PRXL2C: variants seen among roughly 807,000 people sequenced by gnomAD.
PRXL2C encodes the protein peroxiredoxin like 2C.
In PRXL2C, 38 loss-of-function variants were observed where a neutral mutation model predicts 24.9. The observed-to-expected ratio is 1.53, with a 90% CI of 1.18 to 2.00. The LOEUF (loss-of-function observed/expected upper bound fraction) is 2.00. Among genes scored for constraint, PRXL2C ranks in the 30% most tolerant of loss-of-function variants. The probability of loss-of-function intolerance (pLI) is 0.00; values close to 1 mark genes in which losing one functional copy is unlikely to be tolerated. For missense variants in PRXL2C, 294 were observed against 290.9 expected, an observed-to-expected ratio of 1.01 and a Z score of -0.08; for synonymous variants, 98 against 117.2, an observed-to-expected ratio of 0.84 and a Z score of 1.06.
chr9:96,645,092 GT>G (rs1564408240), intron 5 of PRXL2C, among the ~76,000 whole-genome samples: 1 of 151,040 alleles, frequency 6.6e-6, no homozygotes, highest in African/African-American at 2.4e-5. Flanking sequence ...TGTATTTTTA[GT>G]AGAGACGGGG....
At chr9:96,652,025 A>C (rs577254743) in intron 2 of PRXL2C, among the ~76,000 whole-genome samples, 1 of 152,294 alleles carries the variant, frequency 6.6e-6, no homozygotes, top group South Asian at 2.1e-4. Flanking sequence ...GACCTCAAAA[A>C]TACAGGCAAC....
chr9:96,643,714 A>G (rs1848150975), intron 5 of PRXL2C, among the ~76,000 whole-genome samples: 1 of 152,222 alleles, frequency 6.6e-6, no homozygotes, highest in Non-Finnish European at 1.5e-5. Flanking sequence ...CTCATTCATC[A>G]GGGCTTCTTT....
At chr9:96,654,652 G>A (rs1848323473) in intron 2 of PRXL2C, 53 bp downstream of exon 2, 2 of 1,516,762 alleles carry the variant, frequency 1.3e-6, no homozygotes, top group Non-Finnish European at 1.8e-6. Flanking sequence ...CCCCCGCCCC[G>A]CTCGCAAGGT....
intron 5 of PRXL2C, among the ~76,000 whole-genome samples, chr9:96,644,969 C>G (rs1351291255): frequency 8.1e-6 from 1 of 123,696 alleles, no homozygotes; most frequent in Non-Finnish European, 1.6e-5. Flanking sequence ...TTCAGTGGTG[C>G]GATCTCGGCG....
At chr9:96,653,240 GAAGAA>G (rs1848299446) in intron 2 of PRXL2C, among the ~76,000 whole-genome samples, 1 of 149,146 alleles carries the variant, frequency 6.7e-6, no homozygotes, top group Non-Finnish European at 1.5e-5. Context: ...AAAAAAAAAA[GAAGAA>G]AAGAAAATAC....
In PRXL2C at chr9:96,651,428, C is replaced by T. The variant is rs1848263656; in HGVS notation, c.383G>A (p.Arg128Lys). The T allele has an allele frequency of 6.2e-7, 1 of 1,613,226 alleles. No homozygotes were observed. The highest frequency in any genetic ancestry group is 1.1e-5 in the South Asian group (1 of 90,810). Residue 128 changes from arginine (R) to lysine (K), a missense_variant, in exon 4 of 6, where the codon AGA (arginine) becomes AAA (lysine). Transcript: ENST00000375234. ...YVDPEREIYK[R>K]LGMKRGEEIA... Reference sequence around the variant, plus strand: ...TTCTTCACCTCTTTTCATTCCCAATCTTTTATAAATTTCTCTCTCAGGATC... The same window carrying T: ...TTCTTCACCTCTTTTCATTCCCAATTTTTTATAAATTTCTCTCTCAGGATC...
At chr9:96,650,115 T>C (rs1848249071) in intron 4 of PRXL2C, among the ~76,000 whole-genome samples, 1 of 152,100 alleles carries the variant, frequency 6.6e-6, no homozygotes, top group African/African-American at 2.4e-5. Context: ...CCCACTTAAA[T>C]TGCTGACAAA....
chr9:96,649,951 T>A (rs1427716924), intron 4 of PRXL2C, among the ~76,000 whole-genome samples: 2 of 152,188 alleles, frequency 1.3e-5, no homozygotes, highest in African/African-American at 4.8e-5. Context: ...GGACCTGTAT[T>A]TTTCTGAAGG....
At chr9:96,655,014 G>A (rs1848333180) in intron 1 of PRXL2C, 76 bp downstream of exon 1, 4 of 1,395,490 alleles carry the variant, frequency 2.9e-6, no homozygotes, top group South Asian at 1.5e-5. Context: ...TAAGAAGCAG[G>A]AGGCGCGGCT....
intron 4 of PRXL2C, among the ~76,000 whole-genome samples, chr9:96,647,534 T>C (rs1848212806): frequency 6.6e-6 from 1 of 152,186 alleles, no homozygotes; most frequent in South Asian, 2.1e-4. Flanking sequence ...TTTACTTTGT[T>C]TTTTAAGAGA....
Position 96,651,415 on chromosome 9 carries a change from T to C in PRXL2C, c.396A>G (p.Lys132=). The C allele has an allele frequency of 6.2e-7, 1 of 1,612,648 alleles. No individual in the cohort carries two copies. Reference sequence around the variant, plus strand: ...CTGAGGAAGCAATTTCTTCACCTCTTTTCATTCCCAATCTTTTATAAATTT... The same window carrying C: ...CTGAGGAAGCAATTTCTTCACCTCTCTTCATTCCCAATCTTTTATAAATTT... ...EREIYKRLGM[K]RGEEIASSGQ... The change falls in exon 4 of 6, where the codon AAA becomes AAG. Residue 132 remains lysine (K), a synonymous_variant. Coordinates refer to ENST00000375234, the MANE Select transcript of PRXL2C (RefSeq NM_153698.2).
chr9:96,655,063 T>C, intron 1 of PRXL2C, 27 bp downstream of exon 1: 1 of 1,458,778 alleles, frequency 6.9e-7, no homozygotes, highest in East Asian at 3.1e-5. Flanking sequence ...GGGCCGCGCT[T>C]CCCTTCCAGC....
At chr9:96,650,355 T>G (rs1588102801) in intron 4 of PRXL2C, among the ~76,000 whole-genome samples, 1 of 152,300 alleles carries the variant, frequency 6.6e-6, no homozygotes, top group African/African-American at 2.4e-5. Context: ...TATCTGGCAT[T>G]TCACAAACAC....
In PRXL2C at chr9:96,641,611, C is replaced by G. The variant is rs2119167964; in HGVS notation, c.*148G>C. ...AACTGATGCTTCCCAGCATGCAATT[C>G]AACAGGTTCAAGCCCCCTTTATGCT... On this transcript the variant is annotated 3_prime_UTR_variant, in exon 6 of 6. Transcript: ENST00000375234. 3 of 640,546 alleles carry G rather than the reference C, an allele frequency of 4.7e-6. No individual in the cohort carries two copies. The East Asian group carries it at 9.8e-5, about 21-fold the overall frequency. The allele number at this position is 640,546 out of a possible 1,614,324, so 39.7% of individuals were successfully genotyped here.
At chr9:96,643,830 C>T (rs1446850146) in intron 5 of PRXL2C, among the ~76,000 whole-genome samples, 2 of 151,956 alleles carry the variant, frequency 1.3e-5, no homozygotes, top group Non-Finnish European at 2.9e-5. Flanking sequence ...AGTCAAAACC[C>T]TCCTTCTAAA....
intron 5 of PRXL2C, among the ~76,000 whole-genome samples, chr9:96,643,633 G>C (rs1297029781): frequency 6.6e-6 from 1 of 152,146 alleles, no homozygotes; most frequent in Admixed American, 6.6e-5. Context: ...TCCCCTTTTG[G>C]GTATGAGGAT....
chr9:96,651,574 G>A (rs1848265519), intron 3 of PRXL2C, 79 bp from the exon 4 acceptor site: 5 of 1,544,396 alleles, frequency 3.2e-6, no homozygotes, highest in Middle Eastern at 1.7e-4. Flanking sequence ...AGCCAACTTA[G>A]CCTACATTTA....
chr9:96,645,786 G>C, intron 5 of PRXL2C, 107 bp downstream of exon 5: 1 of 1,298,422 alleles, frequency 7.7e-7, no homozygotes, highest in Non-Finnish European at 1.0e-6. Context: ...GACAGAGCGA[G>C]ACTCCCTCTC....
At chr9:96,642,306 C>T (rs956864437) in intron 5 of PRXL2C, among the ~76,000 whole-genome samples, 4 of 152,084 alleles carry the variant, frequency 2.6e-5, no homozygotes, top group South Asian at 2.1e-4. Flanking sequence ...AAATCCACTC[C>T]GAAATACTGA....
Sources: allele counts gnomAD v4.1 joint callset (sites outside exome capture counted in the v4.1 genomes callset), GRCh38; gene constraint gnomAD v4.1.1; transcripts MANE v1.5; gene names NCBI Gene and HGNC (gene_info 2026-07-23, HGNC 2026-07-21).